The following SNTG1 variants were observed in gnomAD, a reference collection of about 807,000 sequenced individuals.
SNTG1 encodes gamma-1-syntrophin.
In SNTG1, 39 loss-of-function variants were observed where a neutral mutation model predicts 74.7. That is an observed-to-expected ratio of 0.52 (90% CI 0.40 to 0.68). The LOEUF (loss-of-function observed/expected upper bound fraction) is 0.68, where lower values mean the gene tolerates loss of function less well. Among genes scored for constraint, SNTG1 ranks in the 30% least tolerant of loss-of-function variants. SNTG1 has a pLI of 0.00. For missense variants in SNTG1, 685 were observed against 609.5 expected (o/e 1.12, Z -1.30); for synonymous variants, 254 against 217.1 (o/e 1.17, Z -1.49).
intron 2 of SNTG1, among the ~76,000 whole-genome samples, chr8:50,231,114 T>C (rs937346624): frequency 7.3e-5 from 11 of 151,254 alleles, no homozygotes; most frequent in Non-Finnish European, 1.6e-4. Context: ...TACAAATAGC[T>C]AACAGATACA....
intron 12 of SNTG1, among the ~76,000 whole-genome samples, chr8:50,587,129 CT>C (rs1464915787): frequency 6.6e-6 from 1 of 151,122 alleles, no homozygotes; most frequent in Non-Finnish European, 1.5e-5. Context: ...AATTATCAAT[CT>C]TTGTGCATGT....
chr8:50,318,074 G>A (rs560118568), intron 2 of SNTG1, among the ~76,000 whole-genome samples: 1 of 152,104 alleles, frequency 6.6e-6, no homozygotes, highest in South Asian at 2.1e-4. Context: ...CTGACCTCGT[G>A]ATCCGCCCGC....
chr8:50,481,469 G>A (rs1395982646), intron 8 of SNTG1, among the ~76,000 whole-genome samples: 1 of 152,114 alleles, frequency 6.6e-6, no homozygotes, highest in Non-Finnish European at 1.5e-5. Context: ...TTTATTTGGG[G>A]ATTTTTATAC....
chr8:50,276,590 C>T (rs1394583465), intron 2 of SNTG1, among the ~76,000 whole-genome samples: 1 of 151,848 alleles, frequency 6.6e-6, no homozygotes, highest in African/African-American at 2.4e-5. Context: ...ACTGATTAAA[C>T]CCTAAGCCTA....
At chr8:50,190,978 A>C (rs1344319277) in intron 2 of SNTG1, among the ~76,000 whole-genome samples, 1 of 152,172 alleles carries the variant, frequency 6.6e-6, no homozygotes, top group Non-Finnish European at 1.5e-5. Context: ...GCCATAAATT[A>C]TGCCGGGTTA....
chr8:50,548,714 G>A (rs2094405319), intron 11 of SNTG1, among the ~76,000 whole-genome samples: 1 of 151,908 alleles, frequency 6.6e-6, no homozygotes, highest in South Asian at 2.1e-4. Context: ...GGAAGTCGAG[G>A]GGCACTAAAG....
rs1309585393 is a variant in SNTG1, at chr8:50,595,246, A to G, written c.849+4329A>G. ...AATGAGCCTGTTTTTGTTCTGGTCT[A>G]TTTCATAACACTTGGTGATAAAATA... On this transcript the variant is annotated intron_variant, in intron 13 of 18. Transcript: ENST00000642720. Among the ~76,000 whole-genome samples the G allele has an allele frequency of 2.0e-5, 3 of 152,170 alleles. No individual in the cohort carries two copies. The East Asian group carries it at 5.8e-4, about 29-fold the overall frequency.
At chr8:50,609,954 G>GT (rs1025828499) in intron 13 of SNTG1, among the ~76,000 whole-genome samples, 48 of 152,156 alleles carry the variant, frequency 3.2e-4, no homozygotes, top group African/African-American at 1.1e-3. Context: ...AACAAAACTT[G>GT]TTTTTTCATC....
At chr8:49,994,645 TA>T (rs1300271945) in intron 1 of SNTG1, among the ~76,000 whole-genome samples, 1 of 151,658 alleles carries the variant, frequency 6.6e-6, no homozygotes, top group Non-Finnish European at 1.5e-5. Flanking sequence ...GATTCATGGC[TA>T]AAAAAAACTG....
chr8:50,153,664 T>G (rs2131553909), intron 1 of SNTG1, among the ~76,000 whole-genome samples: 1 of 152,244 alleles, frequency 6.6e-6, no homozygotes, highest in Admixed American at 6.5e-5. Flanking sequence ...TTGCTGGAGG[T>G]CCACTCCAGA....
intron 3 of SNTG1, among the ~76,000 whole-genome samples, chr8:50,401,097 A>AAATT (rs370829792): frequency 1.3e-5 from 2 of 152,144 alleles, no homozygotes; most frequent in African/African-American, 4.8e-5. Context: ...TTTTAATTTG[A>AAATT]AATTAATTAA....
At chr8:50,591,290 A>C (rs940784340) in intron 13 of SNTG1, among the ~76,000 whole-genome samples, 17 of 152,126 alleles carry the variant, frequency 1.1e-4, no homozygotes, top group African/African-American at 4.1e-4. Flanking sequence ...ATTTGCTGAC[A>C]GTATTTCAAA....
chr8:50,123,121 T>C (rs1449548879), intron 1 of SNTG1, among the ~76,000 whole-genome samples: 1 of 142,284 alleles, frequency 7.0e-6, no homozygotes, highest in Non-Finnish European at 1.6e-5. Flanking sequence ...TAAGATTTCA[T>C]ACTCCACATG....
chr8:50,339,965 G>A (rs1192244611), intron 2 of SNTG1, among the ~76,000 whole-genome samples: 12 of 151,486 alleles, frequency 7.9e-5, no homozygotes, highest in Admixed American at 1.3e-4. Flanking sequence ...TAGGTTAAAA[G>A]TAACAAAAGA....
chr8:50,605,994 T>C (rs978167741), intron 13 of SNTG1, among the ~76,000 whole-genome samples: 1 of 152,210 alleles, frequency 6.6e-6, no homozygotes, highest in Non-Finnish European at 1.5e-5. Flanking sequence ...TGGTGAGTGA[T>C]CTTTTTGATG....
chr8:50,346,528 C>T (rs11993064), intron 2 of SNTG1, among the ~76,000 whole-genome samples: 9,010 of 152,216 alleles, frequency 0.059, 302 homozygotes, highest in Non-Finnish European at 0.071. Flanking sequence ...CTAGTGTTCA[C>T]GTTAAAGGAA....
rs192210237 is a variant in SNTG1, at chr8:50,522,171, G to A, written c.467-8006G>A. On this transcript the variant is annotated intron_variant, in intron 9 of 18. Coordinates refer to ENST00000642720, the MANE Select transcript of SNTG1 (RefSeq NM_018967.5). ...TTTGAAATTCCTTTTTCATCCATGG[G>A]CTGCAGAATGGATTTTGTGTTAGCA... Among the ~76,000 whole-genome samples the A allele has an allele frequency of 1.6e-4, 24 of 152,126 alleles. No individual in the cohort carries two copies. In the East Asian group the frequency reaches 3.7e-3, roughly 23 times the overall value.
chr8:50,095,755 G>A (rs35327351), intron 1 of SNTG1, among the ~76,000 whole-genome samples: 4,020 of 152,030 alleles, frequency 0.026, 76 homozygotes, highest in Non-Finnish European at 0.037. Flanking sequence ...GTAAAAAAAT[G>A]TGGAAAAAAA....
At chr8:50,717,794 T>C (rs2095478437) in intron 17 of SNTG1, among the ~76,000 whole-genome samples, 1 of 152,174 alleles carries the variant, frequency 6.6e-6, no homozygotes, top group South Asian at 2.1e-4. Flanking sequence ...ACAGTGAGAC[T>C]TGCATGATGA....
Sources: allele counts gnomAD v4.1 joint callset (sites outside exome capture counted in the v4.1 genomes callset), GRCh38; gene constraint gnomAD v4.1.1; transcripts MANE v1.5; gene names NCBI Gene and HGNC (gene_info 2026-07-23, HGNC 2026-07-21).